The following XPR1 variants were observed in gnomAD, a reference collection of about 807,000 sequenced individuals.
XPR1 encodes xenotropic and polytropic retrovirus receptor 1, also known as solute carrier family 53 member 1.
In XPR1, 28 loss-of-function variants were observed where a neutral mutation model predicts 87.5. The ratio of observed to expected loss-of-function variants is 0.32; its 90% CI spans 0.24 to 0.44. The LOEUF is 0.44. Among genes scored for constraint, XPR1 ranks in the 20% least tolerant of loss-of-function variants. XPR1 has a pLI of 1.00. For synonymous variants in XPR1, 300 were observed against 306.1 expected (o/e 0.98, Z 0.21); for missense variants, 559 against 862.3 (o/e 0.65, Z 4.41).
intron 1 of XPR1, among the ~76,000 whole-genome samples, chr1:180,656,701 A>T (rs1218445770): frequency 1.5e-5 from 2 of 129,140 alleles, no homozygotes; most frequent in Non-Finnish European, 3.2e-5. Flanking sequence ...TATGTATTTT[A>T]TATATATATA....
intron 2 of XPR1, among the ~76,000 whole-genome samples, chr1:180,721,514 A>G (rs1557973816): frequency 6.6e-6 from 1 of 152,178 alleles, no homozygotes; most frequent in Non-Finnish European, 1.5e-5. Context: ...CCAGGATTGA[A>G]ACCGTCATTT....
At chr1:180,702,540 T>G (rs1657380630) in intron 2 of XPR1, among the ~76,000 whole-genome samples, 1 of 152,184 alleles carries the variant, frequency 6.6e-6, no homozygotes, top group East Asian at 1.9e-4. Context: ...GTCTTCAAGT[T>G]CAGAAATTCT....
In XPR1 at chr1:180,884,138, T is replaced by A; in HGVS notation, c.*72T>A. 7.1e-7 allele frequency: 1 copy of A among 1,414,492 alleles called. No homozygotes were observed. The highest frequency in any genetic ancestry group is 1.2e-5 in the South Asian group (1 of 81,200). 87.6% of individuals were successfully genotyped at this position (1,414,492 alleles called of 1,614,324 possible). A position where few individuals can be genotyped will look rare whatever the true frequency, so the allele number is the denominator to read the frequency against. On this transcript the variant is annotated 3_prime_UTR_variant, in exon 15 of 15. Coordinates refer to ENST00000367590, the MANE Select transcript of XPR1 (RefSeq NM_004736.4). ...TCCTTTCCTCGACCAACGCAACCTC[T>A]AGTACCTTTCCAGCCGAAAACAGGA...
chr1:180,673,904 G>C (rs1013233653), intron 1 of XPR1, among the ~76,000 whole-genome samples: 5 of 152,174 alleles, frequency 3.3e-5, no homozygotes, highest in African/African-American at 1.2e-4. Flanking sequence ...AGGTAGAACT[G>C]TACTACTTTG....
chr1:180,794,129 ACAT>A (rs942090576), intron 3 of XPR1, among the ~76,000 whole-genome samples: 3 of 152,360 alleles, frequency 2.0e-5, no homozygotes, highest in African/African-American at 7.2e-5. Context: ...CATTTTGGGA[ACAT>A]CATGTGTACT....
chr1:180,827,880 A>T (rs1448847600), intron 9 of XPR1, among the ~76,000 whole-genome samples: 4 of 142,790 alleles, frequency 2.8e-5, no homozygotes, highest in East Asian at 4.1e-4. Flanking sequence ...TTTTTCTTTA[A>T]TTTTTTTTTT....
chr1:180,679,432 A>G (rs1444111575), intron 1 of XPR1, among the ~76,000 whole-genome samples: 2 of 152,202 alleles, frequency 1.3e-5, no homozygotes, highest in Non-Finnish European at 2.9e-5. Flanking sequence ...TGCGCAGAGC[A>G]GCCCCCACAG....
rs146337201 is a variant in XPR1, at chr1:180,680,171, G to T, written c.70-2189G>T. Among the ~76,000 whole-genome samples, 8 of 151,836 alleles carry T rather than the reference G, an allele frequency of 5.3e-5. No homozygotes were observed. In the East Asian group the frequency reaches 1.5e-3, roughly 29 times the overall value. On this transcript the variant is annotated intron_variant, in intron 1 of 14. Coordinates refer to ENST00000367590, the MANE Select transcript of XPR1 (RefSeq NM_004736.4). ...GAAATACAAATCAAAACCACAGTGA[G>T]GTATCATCTCACCCCAGTTAGGCTG...
chr1:180,716,432 A>C (rs1268901193), intron 2 of XPR1, among the ~76,000 whole-genome samples: 1 of 152,120 alleles, frequency 6.6e-6, no homozygotes, highest in Non-Finnish European at 1.5e-5. Flanking sequence ...GATCTTGTCA[A>C]ACTAACCTGT....
At chr1:180,833,561 T>G (rs1400099678) in intron 9 of XPR1, among the ~76,000 whole-genome samples, 2 of 151,956 alleles carry the variant, frequency 1.3e-5, no homozygotes, top group Non-Finnish European at 2.9e-5. Flanking sequence ...AAAACAGACT[T>G]CAGACCAACA....
chr1:180,696,027 G>A (rs1055186569), intron 2 of XPR1, among the ~76,000 whole-genome samples: 2 of 151,624 alleles, frequency 1.3e-5, no homozygotes, highest in Admixed American at 6.6e-5. Context: ...GGGTAGTGTG[G>A]TCATTTTAAT....
rs543891054 is a variant in XPR1, at chr1:180,785,296, G to A, written c.122-2457G>A. On this transcript the variant is annotated intron_variant, in intron 2 of 14. Coordinates refer to ENST00000367590, the MANE Select transcript of XPR1 (RefSeq NM_004736.4). ...GCCTCCCGAGTAGCTAGGATTACAGGCACGAGCCACCATGCCCAACTAATT... is the reference window on the plus strand; with the variant it reads ...GCCTCCCGAGTAGCTAGGATTACAGACACGAGCCACCATGCCCAACTAATT... Among the ~76,000 whole-genome samples, 255 of 151,790 alleles carry A rather than the reference G, an allele frequency of 1.7e-3. 5 individuals carry two copies. The highest frequency in any genetic ancestry group is 2.8e-3 in the Non-Finnish European group (187 of 67,914).
At chr1:180,732,785 G>A (rs756766587) in intron 2 of XPR1, among the ~76,000 whole-genome samples, 9 of 152,182 alleles carry the variant, frequency 5.9e-5, no homozygotes, top group East Asian at 3.8e-4. Context: ...TTACCTTGTC[G>A]CAAGGACAGA....
At chr1:180,754,485 G>T (rs534023753) in intron 2 of XPR1, among the ~76,000 whole-genome samples, 8 of 151,928 alleles carry the variant, frequency 5.3e-5, no homozygotes, top group African/African-American at 1.9e-4. Flanking sequence ...TTTTGAGACA[G>T]GGTCTCCCTG....
At chr1:180,818,175 T>G (rs1209826169) in intron 7 of XPR1, among the ~76,000 whole-genome samples, 2 of 152,210 alleles carry the variant, frequency 1.3e-5, no homozygotes, top group African/African-American at 2.4e-5. Flanking sequence ...AGACGAGGCT[T>G]CTCATATTCT....
At chr1:180,707,677 A>C (rs1000671686) in intron 2 of XPR1, among the ~76,000 whole-genome samples, 1 of 152,080 alleles carries the variant, frequency 6.6e-6, no homozygotes, top group African/African-American at 2.4e-5. Context: ...CTTTACTGCA[A>C]CTCTCCAGAA....
At chr1:180,698,554 C>A (rs1375677323) in intron 2 of XPR1, among the ~76,000 whole-genome samples, 6 of 152,062 alleles carry the variant, frequency 3.9e-5, no homozygotes, top group Non-Finnish European at 8.8e-5. Context: ...GTAGTGACAA[C>A]ATTTGTCTCC....
chr1:180,782,985 G>A (rs1299379246), intron 2 of XPR1, among the ~76,000 whole-genome samples: 1 of 151,848 alleles, frequency 6.6e-6, no homozygotes, highest in African/African-American at 2.4e-5. Context: ...CAGAGTTACT[G>A]ATTTCTAACA....
At chr1:180,817,179 A>T (rs1196055071) in intron 7 of XPR1, among the ~76,000 whole-genome samples, 1 of 152,216 alleles carries the variant, frequency 6.6e-6, no homozygotes, top group Non-Finnish European at 1.5e-5. Flanking sequence ...ATTGTTATAC[A>T]GTATGTCCAT....
Sources: gnomAD v4.1 joint callset for allele counts (sites outside exome capture counted in the v4.1 genomes callset) on GRCh38, gnomAD v4.1.1 for gene constraint, MANE v1.5 for transcripts, NCBI Gene and HGNC (gene_info 2026-07-23, HGNC 2026-07-21) for gene names.